The following CEBPZOS variants were observed in gnomAD, a reference collection of about 807,000 sequenced individuals.
The protein encoded by CEBPZOS is CEBPZ opposite strand.
In CEBPZOS, 10 loss-of-function variants were observed where a neutral mutation model predicts 4.8. The ratio of observed to expected loss-of-function variants is 2.07; its 90% CI spans 1.28 to 3.52. The LOEUF is 3.52. CEBPZOS is among the 30% of genes most tolerant of loss of function. The probability of loss-of-function intolerance (pLI) is 0.00; values close to 1 mark genes in which losing one functional copy is unlikely to be tolerated. For missense variants in CEBPZOS, 98 were observed against 43.6 expected, an observed-to-expected ratio of 2.25 and a Z score of -3.51; for synonymous variants, 25 against 14.2, an observed-to-expected ratio of 1.77 and a Z score of -1.72.
At chr2:37,212,541 C>A in intron 4 of CEBPZOS, 1 of 672,514 alleles carries the variant, frequency 1.5e-6, no homozygotes, top group Non-Finnish European at 2.6e-6. Context: ...TGCTAGTGTG[C>A]CTTAATAATG....
At chr2:37,197,767 G>C (rs1305726155) in intron 1 of CEBPZOS, among the ~76,000 whole-genome samples, 1 of 152,252 alleles carries the variant, frequency 6.6e-6, no homozygotes, top group East Asian at 1.9e-4. Flanking sequence ...TCGGGAGGCT[G>C]AGGCAGGAGA....
chr2:37,198,246 A>G (rs1267890544), intron 1 of CEBPZOS, among the ~76,000 whole-genome samples: 1 of 152,212 alleles, frequency 6.6e-6, no homozygotes, highest in African/African-American at 2.4e-5. Context: ...ACAGCATTGT[A>G]GTGAATGGAG....
At chr2:37,201,011 T>G in intron 2 of CEBPZOS, 37 bp from the exon 3 acceptor site, 1 of 714,106 alleles carries the variant, frequency 1.4e-6, no homozygotes, top group Non-Finnish European at 2.6e-6. Context: ...TGAATTTCTG[T>G]TCATATCTAA....
At chr2:37,205,807 T>C (rs1432800201), downstream of CEBPZOS, among the ~76,000 whole-genome samples, 2 of 152,188 alleles carry the variant, frequency 1.3e-5, no homozygotes, top group African/African-American at 4.8e-5. Flanking sequence ...TTTCTTTTAT[T>C]AGCACCTTGT....
chr2:37,212,295 A>T (rs771841246), intron 4 of CEBPZOS: 4 of 1,563,470 alleles, frequency 2.6e-6, no homozygotes, highest in Non-Finnish European at 3.5e-6. Context: ...AATTTGGGAA[A>T]TGCTAGAAAA....
At chr2:37,196,731 C>G (rs1358865696) in intron 1 of CEBPZOS, 1 of 150,810 alleles carries the variant, frequency 6.6e-6, no homozygotes, top group African/African-American at 2.4e-5. Flanking sequence ...TCCGTGCGTG[C>G]CCGCGCGTGT....
At chr2:37,205,962 G>T (rs1677525323), downstream of CEBPZOS, among the ~76,000 whole-genome samples, 1 of 152,188 alleles carries the variant, frequency 6.6e-6, no homozygotes, top group Admixed American at 6.5e-5. Flanking sequence ...AAAAGAAAAA[G>T]ATAACAGGTG....
At position 37,202,834 on chromosome 2, in the gene CEBPZOS, G is replaced by A. The variant is rs986168610; in HGVS notation, c.*974G>A. The A allele has an allele frequency of 6.9e-6, 11 of 1,600,796 alleles. No individual in the cohort carries two copies. The South Asian group carries it at 1.0e-4, about 15-fold the overall frequency. ...ATTCATGCCAATGTTATCAAACTTG[G>A]ATCCCATATTTTCATCCAATAGATG... On this transcript the variant is annotated 3_prime_UTR_variant, in exon 5 of 5. Coordinates refer to ENST00000402297, the MANE Select transcript of CEBPZOS (RefSeq NM_001322374.2).
intron 4 of CEBPZOS, chr2:37,210,959 T>G: frequency 6.9e-7 from 1 of 1,440,116 alleles, no homozygotes; most frequent in Middle Eastern, 1.8e-4. Flanking sequence ...ACCTTTCACA[T>G]GGACACTGCT....
In CEBPZOS at chr2:37,203,958, T is replaced by C. The variant is rs1677413897; in HGVS notation, c.*2098T>C. The C allele has an allele frequency of 6.6e-6, 1 of 152,246 alleles. No homozygotes were observed. Among genetic ancestry groups the C allele is most frequent in the African/African-American group, 2.4e-5 (1 of 41,464 alleles). The allele number at this position is 152,246 out of a possible 1,614,324, so 9.4% of individuals were successfully genotyped here. ...AGTTAATGGACATTTAGGTTTTGTC[T>C]ACTTTTTGGCATTAATAGTGCTGCT... is the stretch of plus-strand genomic sequence containing the variant. On this transcript the variant is annotated 3_prime_UTR_variant, in exon 5 of 5. Transcript: ENST00000402297.
At chr2:37,201,535 A>T (rs886547116) in intron 3 of CEBPZOS, 107 bp from the exon 4 acceptor site, 1 of 613,498 alleles carries the variant, frequency 1.6e-6, no homozygotes. Flanking sequence ...CCTCTTTTTC[A>T]TTTTGTTATG....
In CEBPZOS at chr2:37,201,976, T is replaced by TGAGTCACAGGAACTTCTAGCCTGCCTTG; in HGVS notation, c.*118_*145dup. On this transcript the variant is annotated 3_prime_UTR_variant, in exon 5 of 5. Coordinates refer to ENST00000402297, the MANE Select transcript of CEBPZOS (RefSeq NM_001322374.2). ...TTGGTGGTCCCACAGAACATGCTGC[T>TGAGTCACAGGAACTTCTAGCCTGCCTTG]GAGTCACAGGAACTTCTAGCCTGCC... is the stretch of plus-strand genomic sequence containing the variant. The TGAGTCACAGGAACTTCTAGCCTGCCTTG allele has an allele frequency of 6.9e-7, 1 of 1,443,444 alleles. No individual in the cohort carries two copies. The highest frequency in any genetic ancestry group is 9.4e-7 in the Non-Finnish European group (1 of 1,060,176). 89.4% of individuals were successfully genotyped at this position (1,443,444 alleles called of 1,614,324 possible).
chr2:37,202,174 A>T lies in CEBPZOS; in HGVS notation c.*314A>T. 1 of 255,704 alleles carries T rather than the reference A, an allele frequency of 3.9e-6. No homozygotes were observed. The highest frequency in any genetic ancestry group is 7.3e-6 in the Non-Finnish European group (1 of 136,552). 15.8% of individuals were successfully genotyped at this position (255,704 alleles called of 1,614,324 possible). ...CACTTTTACTGGTGAAATAAAAACCAGTAACAATCAATATGTAAAAACGGC... is the reference window on the plus strand; with the variant it reads ...CACTTTTACTGGTGAAATAAAAACCTGTAACAATCAATATGTAAAAACGGC... On this transcript the variant is annotated 3_prime_UTR_variant, in exon 5 of 5. Coordinates refer to ENST00000402297, the MANE Select transcript of CEBPZOS (RefSeq NM_001322374.2).
chr2:37,213,873 C>A (rs1272093737), downstream of CEBPZOS: 24 of 1,605,476 alleles, frequency 1.5e-5, no homozygotes, highest in Non-Finnish European at 2.0e-5. Context: ...CCAATCAGCT[C>A]TTCAAATTCT....
intron 3 of CEBPZOS, chr2:37,201,402 G>C (rs1396864346): frequency 2.0e-6 from 1 of 503,292 alleles, no homozygotes; most frequent in African/African-American, 2.0e-5. Flanking sequence ...TCTTGGAGCT[G>C]TCTCTTTCTC....
intron 4 of CEBPZOS, chr2:37,210,203 T>C (rs1257626435): frequency 3.3e-5 from 5 of 152,220 alleles, no homozygotes; most frequent in African/African-American, 1.2e-4. Context: ...ACAACCACTA[T>C]GGTAAACAGT....
chr2:37,198,993 A>G (rs934409143), intron 1 of CEBPZOS, among the ~76,000 whole-genome samples: 3 of 152,026 alleles, frequency 2.0e-5, no homozygotes, highest in African/African-American at 7.3e-5. Context: ...GTGTCTACTA[A>G]AAATACAAAA....
At chr2:37,209,675 C>G (rs1236346428), downstream of CEBPZOS, 1 of 152,118 alleles carries the variant, frequency 6.6e-6, no homozygotes, top group East Asian at 1.9e-4. Flanking sequence ...AGACCTGAAA[C>G]TGTAAAAATT....
Position 37,199,781 on chromosome 2 carries a change from G to C in CEBPZOS, c.77G>C (p.Gly26Ala). 1.4e-6 allele frequency: 1 copy of C among 717,586 alleles called. No individual in the cohort carries two copies. The highest frequency in any genetic ancestry group is 2.6e-6 in the Non-Finnish European group (1 of 385,088). The allele number at this position is 717,586 out of a possible 1,614,324, so 44.5% of individuals were successfully genotyped here. A position where few individuals can be genotyped will look rare whatever the true frequency, so the allele number is the denominator to read the frequency against. ...GTAGCCGAACTTGTAGGCGTTTTTG[G>C]AGCATATTTTTTGTTTAGCAAGATG... is the stretch of plus-strand genomic sequence containing the variant. ...VLVAELVGVF[G>A]AYFLFSKMHT... Residue 26 changes from glycine to alanine, a missense_variant, in exon 2 of 5, where the codon GGA (glycine) becomes GCA (alanine). Transcript: ENST00000402297.
Sources: gnomAD v4.1 joint callset for allele counts (sites outside exome capture counted in the v4.1 genomes callset) on GRCh38, gnomAD v4.1.1 for gene constraint, MANE v1.5 for transcripts, NCBI Gene and HGNC (gene_info 2026-07-23, HGNC 2026-07-21) for gene names.